HDGFL3: variants seen among roughly 807,000 people sequenced by gnomAD.
HDGFL3 encodes the protein hepatoma-derived growth factor-related protein 3.
HDGFL3 carries 6 observed loss-of-function variants against 27.6 expected under a neutral mutation model. The ratio of observed to expected loss-of-function variants is 0.22; its 90% CI spans 0.12 to 0.43. The LOEUF (loss-of-function observed/expected upper bound fraction) is 0.43. Among genes scored for constraint, HDGFL3 ranks in the 20% least tolerant of loss-of-function variants. The pLI is 1.00. For synonymous variants in HDGFL3, 88 were observed against 88.9 expected (o/e 0.99, Z 0.05); for missense variants, 207 against 250.1 (o/e 0.83, Z 1.16).
chr15:83,140,300 TA>T (rs200686277), intron 5 of HDGFL3, among the ~76,000 whole-genome samples: 14 of 151,202 alleles, frequency 9.3e-5, no homozygotes, highest in Non-Finnish European at 1.6e-4. Flanking sequence ...AGTAAATCTT[TA>T]AAAAAAAAGT....
At chr15:83,159,171 A>G (rs925039366) in intron 2 of HDGFL3, among the ~76,000 whole-genome samples, 5 of 152,162 alleles carry the variant, frequency 3.3e-5, no homozygotes, top group Non-Finnish European at 7.3e-5. Flanking sequence ...AAATCATTTT[A>G]GTGTTTAATG....
Position 83,207,221 on chromosome 15 carries a change from G to C in HDGFL3, c.84+110C>G. 1 of 737,970 alleles carries C rather than the reference G, an allele frequency of 1.4e-6. No homozygotes were observed. Among genetic ancestry groups the C allele is most frequent in the Non-Finnish European group, 1.9e-6 (1 of 529,238 alleles). 45.7% of individuals were successfully genotyped at this position (737,970 alleles called of 1,614,324 possible). ...GCCGCCCTCAGCCCTCACCACAGCC[G>C]GCCGCGAGCTGCGGGCTCGGGGCTG... On this transcript the variant is annotated intron_variant, in intron 1 of 5. Transcript: ENST00000299633. This position sits in a 1 kb window ranked among gnomAD's most constrained non-coding sequence, Gnocchi z 4.8.
intron 4 of HDGFL3, among the ~76,000 whole-genome samples, chr15:83,151,992 G>A (rs1305545129): frequency 1.3e-5 from 2 of 152,216 alleles, no homozygotes; most frequent in African/African-American, 2.4e-5. Context: ...AACTCTAGAG[G>A]AAGATGAAAA....
In HDGFL3 at chr15:83,185,781, CCT is replaced by C. The variant is rs148039409; in HGVS notation, c.84+21548_84+21549del. On this transcript the variant is annotated intron_variant, in intron 1 of 5. Transcript: ENST00000299633. ...ATATTCATATCCTTACATAAAATCCCCTGTCCTTGAGTATGTGCTGGATCTAG... is the reference window on the plus strand; with the variant it reads ...ATATTCATATCCTTACATAAAATCCCGTCCTTGAGTATGTGCTGGATCTAG... Among the ~76,000 whole-genome samples, 434 of 152,236 alleles carry C rather than the reference CCT, an allele frequency of 2.9e-3. 4 individuals carry two copies. The highest frequency in any genetic ancestry group is 9.9e-3 in the African/African-American group (412 of 41,538).
In HDGFL3 at chr15:83,142,650, C is replaced by T. The variant is rs555099748; in HGVS notation, c.607-3375G>A. Among the ~76,000 whole-genome samples the T allele has an allele frequency of 2.6e-5, 4 of 151,990 alleles. No homozygotes were observed. In the South Asian group the frequency reaches 8.3e-4, roughly 32 times the overall value. ...TAATAATAAATCTGCACATGTACTC[C>T]CTGAAGTTTAAAAAAAAAGCAAGAC... On this transcript the variant is annotated intron_variant, in intron 5 of 5. Coordinates refer to ENST00000299633, the MANE Select transcript of HDGFL3 (RefSeq NM_016073.4).
At chr15:83,147,069 CTT>C in intron 5 of HDGFL3, among the ~76,000 whole-genome samples, 1 of 145,398 alleles carries the variant, frequency 6.9e-6, no homozygotes, top group African/African-American at 2.5e-5. Flanking sequence ...TACCTTCTTT[CTT>C]TTTTTTTTTT....
intron 1 of HDGFL3, among the ~76,000 whole-genome samples, chr15:83,205,975 A>G (rs931193632): frequency 6.6e-6 from 1 of 152,222 alleles, no homozygotes; most frequent in Non-Finnish European, 1.5e-5. Context: ...TGAGGTTGTT[A>G]GTGTTGGAAA....
intron 1 of HDGFL3, among the ~76,000 whole-genome samples, chr15:83,168,433 A>T (rs1373167004): frequency 6.6e-6 from 1 of 152,228 alleles, no homozygotes; most frequent in Non-Finnish European, 1.5e-5. Flanking sequence ...AAAAGAGAAG[A>T]TCCAAATAAG....
intron 1 of HDGFL3, among the ~76,000 whole-genome samples, chr15:83,206,319 G>T (rs1463747080): frequency 2.0e-5 from 3 of 151,866 alleles, no homozygotes; most frequent in African/African-American, 7.3e-5. Flanking sequence ...GACTGTTTCC[G>T]TTCCTAAAGA....
In HDGFL3 at chr15:83,135,391, G is replaced by T. The variant is rs2036541329; in HGVS notation, c.*3879C>A. 6.6e-6 allele frequency: 1 copy of T among 152,170 alleles called. No individual in the cohort carries two copies. The highest frequency in any genetic ancestry group is 2.4e-5 in the African/African-American group (1 of 41,446). 9.4% of individuals were successfully genotyped at this position (152,170 alleles called of 1,614,324 possible). On this transcript the variant is annotated 3_prime_UTR_variant, in exon 6 of 6. Transcript: ENST00000299633. ...AGTTCTTCATTCTTGTTACTTCTAT[G>T]CCTTCTCTATAGTGCAGTCTTTTGT...
At chr15:83,151,503 A>T in intron 4 of HDGFL3, 142 bp from the exon 5 acceptor site, 1 of 622,290 alleles carries the variant, frequency 1.6e-6, no homozygotes. Flanking sequence ...TAGTATGCCA[A>T]GGCTGAGCTA....
intron 1 of HDGFL3, among the ~76,000 whole-genome samples, chr15:83,201,509 T>A (rs543585524): frequency 6.6e-6 from 1 of 152,284 alleles, no homozygotes; most frequent in African/African-American, 2.4e-5. Context: ...CTTTCTCCAA[T>A]AAATAAATAT....
Position 83,129,326 on chromosome 15 carries a change from T to A in HDGFL3, c.*9944A>T, listed in dbSNP as rs1056762965. 1 of 152,218 alleles carries A rather than the reference T, an allele frequency of 6.6e-6. No individual in the cohort carries two copies. Among genetic ancestry groups the A allele is most frequent in the African/African-American group, 2.4e-5 (1 of 41,446 alleles). The allele number at this position is 152,218 out of a possible 1,614,324, so 9.4% of individuals were successfully genotyped here. On this transcript the variant is annotated 3_prime_UTR_variant, in exon 6 of 6. Transcript: ENST00000299633. Reference sequence around the variant, plus strand: ...AAATACTCAGAGTAGCTTAACACAATTAAAATTTTAATTCTTTTTTATGCA... The same window carrying A: ...AAATACTCAGAGTAGCTTAACACAAATAAAATTTTAATTCTTTTTTATGCA...
chr15:83,183,986 C>T (rs1362524056), intron 1 of HDGFL3, among the ~76,000 whole-genome samples: 1 of 152,120 alleles, frequency 6.6e-6, no homozygotes, highest in Non-Finnish European at 1.5e-5. Flanking sequence ...AAAGAATTCA[C>T]TGCTTTACTC....
At chr15:83,114,905 C>CT (rs1447668476) in exon 4 of HDGFL3, 5 of 152,246 alleles carry the variant, frequency 3.3e-5, no homozygotes, top group African/African-American at 1.2e-4. Flanking sequence ...GTAAGATTCT[C>CT]TGACAGGTAT....
At chr15:83,151,555 TTAAC>T (rs2036964045) in intron 4 of HDGFL3, among the ~76,000 whole-genome samples, 194 bp from the exon 5 acceptor site, 1 of 152,332 alleles carries the variant, frequency 6.6e-6, no homozygotes, top group African/African-American at 2.4e-5. Context: ...GGACCTCAGT[TTAAC>T]TAGCTGGAAA....
chr15:83,181,868 C>T (rs1361660406), intron 1 of HDGFL3, among the ~76,000 whole-genome samples: 1 of 152,190 alleles, frequency 6.6e-6, no homozygotes, highest in East Asian at 1.9e-4. Flanking sequence ...GTCTTCAAAG[C>T]TATTGTCCAC....
chr15:83,163,922 G>A (rs2037130998), intron 2 of HDGFL3, 77 bp downstream of exon 2: 1 of 903,036 alleles, frequency 1.1e-6, no homozygotes, highest in Admixed American at 2.0e-5. Context: ...TAAGACGTAA[G>A]ATGTCAGAGA....
intron 4 of HDGFL3, among the ~76,000 whole-genome samples, chr15:83,153,284 C>T (rs1280488444): frequency 6.6e-6 from 1 of 152,158 alleles, no homozygotes; most frequent in Non-Finnish European, 1.5e-5. Flanking sequence ...TCCCAAAGTG[C>T]TGGGATTACA....
Sources: gnomAD v4.1 joint callset for allele counts (sites outside exome capture counted in the v4.1 genomes callset) on GRCh38, gnomAD v4.1.1 for gene constraint, Gnocchi (gnomAD v3.1) non-coding constraint, MANE v1.5 for transcripts, NCBI Gene and HGNC (gene_info 2026-07-23, HGNC 2026-07-21) for gene names.